The following COQ2 variants were observed in gnomAD, a reference collection of about 807,000 sequenced individuals.
COQ2 encodes the protein 4-hydroxybenzoate polyprenyltransferase, mitochondrial.
Under a neutral mutation model 35.7 loss-of-function variants are expected in COQ2, and 25 were observed. The observed-to-expected ratio is 0.70, with a 90% CI of 0.51 to 0.98. COQ2 has a LOEUF of 0.98. Among genes scored for constraint, COQ2 ranks in the 50% least tolerant of loss-of-function variants. The probability of loss-of-function intolerance (pLI) is 0.00; values close to 1 mark genes in which losing one functional copy is unlikely to be tolerated. For synonymous variants in COQ2, 206 were observed against 186.2 expected, an observed-to-expected ratio of 1.11 and a Z score of -0.86; for missense variants, 488 against 473.5, an observed-to-expected ratio of 1.03 and a Z score of -0.28.
Position 83,279,132 on chromosome 4 carries a change from G to T in COQ2, c.254-18C>A, listed in dbSNP as rs1357883220. ...CCAGGTTCCTAAGCAAAAATAAAAA[G>T]ACAAAAAAGGTACAAATTTAAGTCA... On this transcript the variant is annotated intron_variant, in intron 1 of 6. Transcript: ENST00000647002. 1 of 1,519,068 alleles carries T rather than the reference G, an allele frequency of 6.6e-7. No homozygotes were observed. Among genetic ancestry groups the T allele is most frequent in the Non-Finnish European group, 8.8e-7 (1 of 1,138,388 alleles). The allele number at this position is 1,519,068 out of a possible 1,614,324, so 94.1% of individuals were successfully genotyped here. A position where few individuals can be genotyped will look rare whatever the true frequency, so the allele number is the denominator to read the frequency against.
Position 83,269,877 on chromosome 4 carries a change from TATCATATATTA to T in COQ2, c.734_744del (p.Leu245HisfsTer11). The T allele has an allele frequency of 6.3e-7, 1 of 1,597,504 alleles. No individual in the cohort carries two copies. Among genetic ancestry groups the T allele is most frequent in the Non-Finnish European group, 8.5e-7 (1 of 1,171,356 alleles). ...TTCTTTACCTGATGGGCATAAATAG[TATCATATATTA>T]GTGTCCACATAACTCCAGAAAAATA... is the stretch of plus-strand genomic sequence containing the variant. On this transcript the variant is annotated frameshift_variant, in exon 5 of 7. Coordinates refer to ENST00000647002, the MANE Select transcript of COQ2 (RefSeq NM_001358921.2). LOFTEE classifies it high-confidence loss of function.
chr4:83,264,443 G>A, intron 6 of COQ2, 80 bp from the exon 7 acceptor site: 2 of 1,464,432 alleles, frequency 1.4e-6, no homozygotes, highest in South Asian at 3.1e-5. Context: ...TAACACGGAG[G>A]AGAAAACAGC....
At chr4:83,277,790 A>G (rs1012861496) in intron 2 of COQ2, among the ~76,000 whole-genome samples, 1 of 152,084 alleles carries the variant, frequency 6.6e-6, no homozygotes, top group Non-Finnish European at 1.5e-5. Context: ...ACCAACGTGG[A>G]GAAACCCTGT....
chr4:83,270,033 G>A, intron 4 of COQ2, 40 bp from the exon 5 acceptor site: 5 of 1,605,718 alleles, frequency 3.1e-6, no homozygotes, highest in Non-Finnish European at 3.4e-6. Context: ...AAGTCTGTAT[G>A]TACTTTAGAA....
In COQ2 at chr4:83,272,087, C is replaced by G. The variant is rs1379033743; in HGVS notation, c.628G>C (p.Gly210Arg). The change falls in exon 4 of 7, where the codon GGC becomes CGC. Residue 210 changes from glycine to arginine, a missense_variant and splice_region_variant. Physicochemically the swap from Gly to Arg is moderately radical, Grantham distance 125. Transcript: ENST00000647002. ...RISYWPQLAL[G>R]LTFNWGALLG... ...ATACTTTTAGTTATTGTAAGCTCACCCAAGGCTAGTTGAGGCCAGTATGAA... is the reference window on the plus strand; with the variant it reads ...ATACTTTTAGTTATTGTAAGCTCACGCAAGGCTAGTTGAGGCCAGTATGAA... 1.3e-5 allele frequency: 20 copies of G among 1,594,180 alleles called. No individual in the cohort carries two copies. Among genetic ancestry groups the G allele is most frequent in the Non-Finnish European group, 1.6e-5 (19 of 1,167,660 alleles).
chr4:83,271,638 C>A (rs1187311263), intron 4 of COQ2, among the ~76,000 whole-genome samples: 3 of 152,142 alleles, frequency 2.0e-5, no homozygotes, highest in Non-Finnish European at 4.4e-5. Context: ...CATGGCGAAA[C>A]CCTGTCTCTA....
chr4:83,265,340 T>C (rs11937448), intron 6 of COQ2, among the ~76,000 whole-genome samples: 71,010 of 151,954 alleles, frequency 0.47, 19,851 homozygotes, highest in African/African-American at 0.8. Context: ...GAGGCTGAGG[T>C]GGGCGGATCA....
At chr4:83,267,089 C>A (rs1193428295) in intron 6 of COQ2, 7 of 441,958 alleles carry the variant, frequency 1.6e-5, no homozygotes, top group Non-Finnish European at 2.7e-5. Context: ...AAATAATATA[C>A]CTTGGCTGGG....
rs184020859 is a variant in COQ2 at position 83,274,387 on chromosome 4, G to T, written c.421-770C>A. Among the ~76,000 whole-genome samples, 197 of 152,196 alleles carry T rather than the reference G, an allele frequency of 1.3e-3. 1 individual carries two copies. The highest frequency in any genetic ancestry group is 0.012 in the Admixed American group (181 of 15,282). On this transcript the variant is annotated intron_variant, in intron 2 of 6. Coordinates refer to ENST00000647002, the MANE Select transcript of COQ2 (RefSeq NM_001358921.2). Reference sequence around the variant, plus strand: ...TTTTTGTATTTTTAGTAAAGACAAGGTTTTACCATATTGGCCAAGCTGGTT... The same window carrying T: ...TTTTTGTATTTTTAGTAAAGACAAGTTTTTACCATATTGGCCAAGCTGGTT...
At chr4:83,276,454 C>T (rs139752380) in intron 2 of COQ2, among the ~76,000 whole-genome samples, 128 of 152,124 alleles carry the variant, frequency 8.4e-4, no homozygotes, top group African/African-American at 1.7e-3. Flanking sequence ...GGGACTTAGT[C>T]AGATATCACT....
intron 5 of COQ2, 137 bp downstream of exon 5, chr4:83,269,723 A>C: frequency 1.2e-6 from 1 of 819,294 alleles, no homozygotes; most frequent in Non-Finnish European, 1.8e-6. Flanking sequence ...AGAAAAAAAA[A>C]ATTCTTCCTC....
chr4:83,269,724 AT>A (rs1434186171), intron 5 of COQ2, 135 bp downstream of exon 5: 1 of 819,866 alleles, frequency 1.2e-6, no homozygotes, highest in Non-Finnish European at 1.8e-6. Flanking sequence ...GAAAAAAAAA[AT>A]TCTTCCTCCT....
chr4:83,276,389 T>C (rs1257939360), intron 2 of COQ2, among the ~76,000 whole-genome samples: 1 of 152,164 alleles, frequency 6.6e-6, no homozygotes, highest in East Asian at 1.9e-4. Context: ...GCAGAAGCTT[T>C]TTAGTTCAAT....
intron 5 of COQ2, 138 bp downstream of exon 5, chr4:83,269,722 A>G: frequency 1.2e-6 from 1 of 814,928 alleles, no homozygotes; most frequent in Non-Finnish European, 1.8e-6. Flanking sequence ...TAGAAAAAAA[A>G]AATTCTTCCT....
upstream of COQ2, chr4:83,285,001 T>A: frequency 1.0e-6 from 1 of 965,192 alleles, no homozygotes; most frequent in East Asian, 3.1e-5. Flanking sequence ...AATTTAGTTG[T>A]AATTTTTTAC....
Position 83,264,121 on chromosome 4 carries a change from A to G in COQ2, c.*78T>C. 1 of 800,130 alleles carries G rather than the reference A, an allele frequency of 1.2e-6. No individual in the cohort carries two copies. The allele number at this position is 800,130 out of a possible 1,614,324, so 49.6% of individuals were successfully genotyped here. A position where few individuals can be genotyped will look rare whatever the true frequency, so the allele number is the denominator to read the frequency against. Reference sequence around the variant, plus strand: ...CTTCAGGTTCTTAATTCTTTAACATATTGTATCAGATTTTGTATTCAAATC... The same window carrying G: ...CTTCAGGTTCTTAATTCTTTAACATGTTGTATCAGATTTTGTATTCAAATC... On this transcript the variant is annotated 3_prime_UTR_variant, in exon 7 of 7. Transcript: ENST00000647002.
intron 3 of COQ2, among the ~76,000 whole-genome samples, chr4:83,273,140 G>T (rs1417178399): frequency 6.6e-6 from 1 of 151,656 alleles, no homozygotes; most frequent in East Asian, 1.9e-4. Context: ...TCTGCTTTAA[G>T]TCTACTTTAG....
chr4:83,273,546 C>T lies in COQ2; in HGVS notation c.492G>A (p.Gly164=), dbSNP rs1735097514. The change falls in exon 3 of 7, where the codon GGG becomes GGA. Residue 164 remains glycine (G), a synonymous_variant. Coordinates refer to ENST00000647002, the MANE Select transcript of COQ2 (RefSeq NM_001358921.2). ...ISTFQSFVFL[G]GQLTLALGVL... Reference sequence around the variant, plus strand: ...CACCCAGTGCCAGGGTTAGCTGTCCCCCAAGAAAAACAAAGGACTGAAAAG... The same window carrying T: ...CACCCAGTGCCAGGGTTAGCTGTCCTCCAAGAAAAACAAAGGACTGAAAAG... 1.2e-6 allele frequency: 2 copies of T among 1,613,450 alleles called. No individual in the cohort carries two copies. The highest frequency in any genetic ancestry group is 1.7e-5 in the Admixed American group (1 of 59,952).
intron 4 of COQ2, 33 bp downstream of exon 4, chr4:83,272,054 C>G (rs1234226241): frequency 7.2e-7 from 1 of 1,396,184 alleles, no homozygotes; most frequent in South Asian, 1.3e-5. Context: ...TTGCAAATAT[C>G]AAAGGAAATA....
Sources: allele counts gnomAD v4.1 joint callset (sites outside exome capture counted in the v4.1 genomes callset), GRCh38; gene constraint gnomAD v4.1.1; transcripts MANE v1.5; gene names NCBI Gene and HGNC (gene_info 2026-07-23, HGNC 2026-07-21).